Variants in GPC3 observed in about 807,000 individuals in gnomAD.
The protein encoded by GPC3 is glypican 3.
Under a neutral mutation model 34.4 loss-of-function variants are expected in GPC3, and 3 were observed. The observed-to-expected ratio is 0.09, with a 90% confidence interval of 0.04 to 0.23. The LOEUF (loss-of-function observed/expected upper bound fraction) is 0.23, where lower values mean the gene tolerates loss of function less well. GPC3 is among the 10% of genes least tolerant of loss of function. The pLI is 1.00. For missense variants in GPC3, 351 were observed against 445.6 expected, an observed-to-expected ratio of 0.79 and a Z score of 1.91; for synonymous variants, 177 against 174.0, an observed-to-expected ratio of 1.02 and a Z score of -0.13.
At chrX:133,582,918 A>G (rs774513937) in intron 7 of GPC3, among the ~76,000 whole-genome samples, 3 of 111,186 alleles carry the variant, frequency 2.7e-5, no homozygotes, top group African/African-American at 9.8e-5. Context: ...CTTTTCTAAC[A>G]TGGGGCAGGA....
chrX:133,617,695 T>C (rs1261150586), intron 6 of GPC3, among the ~76,000 whole-genome samples: 3 of 112,199 alleles, frequency 2.7e-5, no homozygotes, highest in African/African-American at 6.5e-5. Flanking sequence ...TGTTCAGGAA[T>C]ATAGAGATCA....
In GPC3 at chrX:133,692,565, A is replaced by G. The variant is rs910861897; in HGVS notation, c.1167-71T>C. The G allele has an allele frequency of 3.1e-6, 3 of 968,047 alleles. No individual in the cohort carries two copies. In the Admixed American group the frequency reaches 6.8e-5, roughly 22 times the overall value. The allele number at this position is 968,047 out of a possible 1,213,427, so 79.8% of individuals were successfully genotyped here. On this transcript the variant is annotated intron_variant, in intron 4 of 7. Transcript: ENST00000370818. ...AGTATGAGAAAAGTTTAATTTCCTTATCAGCATGACAGAAAGGCTCTGCCA... is the reference window on the plus strand; with the variant it reads ...AGTATGAGAAAAGTTTAATTTCCTTGTCAGCATGACAGAAAGGCTCTGCCA...
At chrX:133,640,852 G>T (rs775078827) in intron 6 of GPC3, among the ~76,000 whole-genome samples, 4 of 111,316 alleles carry the variant, frequency 3.6e-5, no homozygotes, top group East Asian at 2.8e-4. Flanking sequence ...GTAACTAATT[G>T]TCCATACTGT....
At chrX:133,895,947 C>T (rs2076110168) in intron 2 of GPC3, among the ~76,000 whole-genome samples, 1 of 111,950 alleles carries the variant, frequency 8.9e-6, no homozygotes, top group Non-Finnish European at 1.9e-5. Context: ...TATATAAAAA[C>T]TTTCATTCCC....
intron 1 of GPC3, among the ~76,000 whole-genome samples, chrX:133,977,902 A>T (rs1166569264): frequency 2.7e-5 from 3 of 111,619 alleles, no homozygotes; most frequent in Non-Finnish European, 5.6e-5. Flanking sequence ...CCATGGCGGA[A>T]AATTCACTTT....
At chrX:133,723,103 C>A (rs924612562) in intron 3 of GPC3, among the ~76,000 whole-genome samples, 1 of 111,964 alleles carries the variant, frequency 8.9e-6, no homozygotes, top group Non-Finnish European at 1.9e-5. Context: ...TGAGGTGACA[C>A]TATTTTGGCA....
chrX:133,570,755 T>A (rs2069621571), intron 7 of GPC3, among the ~76,000 whole-genome samples: 1 of 111,836 alleles, frequency 8.9e-6, no homozygotes, highest in Non-Finnish European at 1.9e-5. Context: ...TTTGGCCCCA[T>A]GACCAAATGC....
chrX:133,562,974 T>G (rs1011049371), intron 7 of GPC3, among the ~76,000 whole-genome samples: 6 of 111,416 alleles, frequency 5.4e-5, no homozygotes, highest in African/African-American at 2.0e-4. Context: ...TTATATTAGA[T>G]ATTATAAATG....
At chrX:133,864,089 A>T (rs1035836928) in intron 2 of GPC3, among the ~76,000 whole-genome samples, 1 of 111,946 alleles carries the variant, frequency 8.9e-6, no homozygotes, top group Non-Finnish European at 1.9e-5. Flanking sequence ...CAAGTAACAG[A>T]TTCAAAACCT....
chrX:133,626,878 T>C (rs953877218), intron 6 of GPC3, among the ~76,000 whole-genome samples: 13 of 108,040 alleles, frequency 1.2e-4, no homozygotes, highest in African/African-American at 3.4e-4. Flanking sequence ...ATGTTTATTG[T>C]GGCACTATTC....
Position 133,942,589 on chromosome X carries a change from A to G in GPC3, c.337+10461T>C, listed in dbSNP as rs2076349705. On this transcript the variant is annotated intron_variant, in intron 2 of 7. Transcript: ENST00000370818. ...AAAAAGTATGCAAGACGATATGTCAAAATGTTAACAGTAGCTATCCTCTAG... is the reference window on the plus strand; with the variant it reads ...AAAAAGTATGCAAGACGATATGTCAGAATGTTAACAGTAGCTATCCTCTAG... Among the ~76,000 whole-genome samples, 4 of 112,330 alleles carry G rather than the reference A, an allele frequency of 3.6e-5. No individual in the cohort carries two copies. The Admixed American group carries it at 3.8e-4, about 11-fold the overall frequency.
Position 133,753,972 on chromosome X carries a change from T to A in GPC3, c.542A>T (p.Gln181Leu). Residue 181 changes from glutamine (Q) to leucine (L), a missense_variant, in exon 3 of 8, where the codon CAG becomes CTG. By Grantham distance (113) the Gln-to-Leu change is moderately radical. Coordinates refer to ENST00000370818, the MANE Select transcript of GPC3 (RefSeq NM_004484.4). Reference sequence around the variant, plus strand: ...ATCAGGCAGGCCTGGGTTCATTAGCTGGGTATAGATGACTGGAAACAGGCT... The same window carrying A: ...ATCAGGCAGGCCTGGGTTCATTAGCAGGGTATAGATGACTGGAAACAGGCT... ...FDSLFPVIYT[Q>L]LMNPGLPDSA... is the part of the protein sequence containing the mutation. 1 of 1,210,807 alleles carries A rather than the reference T, an allele frequency of 8.3e-7. No homozygotes were observed. Among genetic ancestry groups the A allele is most frequent in the Non-Finnish European group, 1.1e-6 (1 of 894,762 alleles).
chrX:133,985,576 AG>A lies in GPC3; in HGVS notation c.-128del. 1 of 564,344 alleles carries A rather than the reference AG, an allele frequency of 1.8e-6. No individual in the cohort carries two copies. The highest frequency in any genetic ancestry group is 6.3e-5 in the East Asian group (1 of 15,789). 46.5% of individuals were successfully genotyped at this position (564,344 alleles called of 1,213,427 possible). ...CGTGCTGCTACCCAGCCGCTGCAAA[AG>A]TTTCCTCGCAGCTACCTGGGCGCTG... On this transcript the variant is annotated 5_prime_UTR_variant, in exon 1 of 8. Transcript: ENST00000370818.
At chrX:133,598,987 A>G (rs1230467748) in intron 6 of GPC3, among the ~76,000 whole-genome samples, 8 of 112,464 alleles carry the variant, frequency 7.1e-5, no homozygotes, top group Non-Finnish European at 3.8e-5. Context: ...TTGGTTTTCT[A>G]TTGAAAGCCT....
At chrX:133,910,020 G>A (rs1010577624) in intron 2 of GPC3, among the ~76,000 whole-genome samples, 5 of 111,607 alleles carry the variant, frequency 4.5e-5, no homozygotes, top group African/African-American at 1.6e-4. Context: ...TCAAAGATGA[G>A]CAAGTGTGGG....
Position 133,662,942 on chromosome X carries a change from C to T in GPC3, c.1293-1092G>A, listed in dbSNP as rs981372093. Among the ~76,000 whole-genome samples, 3 of 109,921 alleles carry T rather than the reference C, an allele frequency of 2.7e-5. No homozygotes were observed. The Admixed American group carries it at 2.9e-4, about 11-fold the overall frequency. Reference sequence around the variant, plus strand: ...TATCTGTAACTCATATTTTTAATTACAAAATAATAATGTTCATTGTAAACA... The same window carrying T: ...TATCTGTAACTCATATTTTTAATTATAAAATAATAATGTTCATTGTAAACA... On this transcript the variant is annotated intron_variant, in intron 5 of 7. Coordinates refer to ENST00000370818, the MANE Select transcript of GPC3 (RefSeq NM_004484.4).
rs370667722 is a variant in GPC3 at position 133,954,151 on chromosome X, G to A, written c.176-940C>T. ...TAGAGTGACAGAAAGCAGTTCAGTC[G>A]TTGTTAAGGGAGATGGTGGGCAGGA... is the stretch of plus-strand genomic sequence containing the variant. On this transcript the variant is annotated intron_variant, in intron 1 of 7. Transcript: ENST00000370818. Among the ~76,000 whole-genome samples, 12 of 111,658 alleles carry A rather than the reference G, an allele frequency of 1.1e-4. No homozygotes were observed. In the East Asian group the frequency reaches 2.8e-3, roughly 26 times the overall value.
At chrX:133,798,814 ATC>A (rs970742655) in intron 2 of GPC3, among the ~76,000 whole-genome samples, 10 of 111,763 alleles carry the variant, frequency 8.9e-5, no homozygotes, top group African/African-American at 2.9e-4. Flanking sequence ...GAATAAGTCT[ATC>A]TGAAGTTTCC....
At chrX:133,627,272 C>A (rs942827951) in intron 6 of GPC3, among the ~76,000 whole-genome samples, 2 of 109,515 alleles carry the variant, frequency 1.8e-5, no homozygotes, top group Non-Finnish European at 1.9e-5. Context: ...ATGTAACAAA[C>A]CTGCACGCTG....
Sources: allele counts gnomAD v4.1 joint callset (sites outside exome capture counted in the v4.1 genomes callset), GRCh38; gene constraint gnomAD v4.1.1; transcripts MANE v1.5; gene names NCBI Gene and HGNC (gene_info 2026-07-23, HGNC 2026-07-21).